RALYL: variants seen among roughly 807,000 people sequenced by gnomAD.
RALYL encodes RALY RNA binding protein like, also known as RNA-binding Raly-like protein.
Under a neutral mutation model 35.1 loss-of-function variants are expected in RALYL, and 29 were observed. The observed-to-expected ratio is 0.83, with a 90% CI of 0.61 to 1.13. RALYL has a LOEUF of 1.13. RALYL is among the 50% of genes most tolerant of loss of function. The pLI, the probability that RALYL is intolerant of heterozygous loss-of-function variation, is 0.00. For missense variants in RALYL, 359 were observed against 360.4 expected (o/e 1.00, Z 0.03); for synonymous variants, 120 against 127.6 (o/e 0.94, Z 0.40).
intron 1 of RALYL, among the ~76,000 whole-genome samples, chr8:84,453,603 G>GTGCCAAGGCAAC (rs2049775413): frequency 1.3e-5 from 2 of 151,756 alleles, no homozygotes. Context: ...TATATTCAAA[G>GTGCCAAGGCAAC]TGCCAAGGCA....
intron 1 of RALYL, among the ~76,000 whole-genome samples, chr8:84,389,543 T>G (rs1180615995): frequency 6.6e-6 from 1 of 150,728 alleles, no homozygotes; most frequent in Non-Finnish European, 1.5e-5. Context: ...TAGTTCTCCT[T>G]GAAGAGGTCC....
intron 2 of RALYL, among the ~76,000 whole-genome samples, chr8:84,627,051 A>T (rs1424470011): frequency 1.3e-5 from 2 of 152,010 alleles, no homozygotes; most frequent in African/African-American, 4.8e-5. Flanking sequence ...CCTCTGGTAC[A>T]CTCTTGCTCT....
chr8:84,405,091 G>A (rs1357965754), intron 1 of RALYL, among the ~76,000 whole-genome samples: 1 of 152,146 alleles, frequency 6.6e-6, no homozygotes, highest in African/African-American at 2.4e-5. Context: ...CATGGAAACT[G>A]AACAACCTGC....
chr8:84,862,389 GA>G lies in RALYL; in HGVS notation c.510del (p.Gly171GlufsTer5). On this transcript the variant is annotated frameshift_variant, in exon 6 of 9. Transcript: ENST00000521268. LOFTEE classifies it high-confidence loss of function. ...RVAVTTTRRGKGVFSMKGGSR... is the reference protein window; with the variant it reads ...RVAVTTTRRGXGVFSMKGGSR... Reference sequence around the variant, plus strand: ...TGGCAGTCACAACGACTCGCAGGGGGAAAGGAGTCTTTTCCATGAAAGGTGG... The same window carrying G: ...TGGCAGTCACAACGACTCGCAGGGGGAAGGAGTCTTTTCCATGAAAGGTGG... 6.2e-7 allele frequency: 1 copy of G among 1,607,582 alleles called. No individual in the cohort carries two copies. Among genetic ancestry groups the G allele is most frequent in the Non-Finnish European group, 8.5e-7 (1 of 1,177,340 alleles).
chr8:84,499,829 A>G (rs978727759), intron 1 of RALYL, among the ~76,000 whole-genome samples: 13 of 152,136 alleles, frequency 8.5e-5, no homozygotes, highest in African/African-American at 2.9e-4. Flanking sequence ...ATCATGGCTT[A>G]CTGCAGCCTC....
intron 1 of RALYL, among the ~76,000 whole-genome samples, chr8:84,294,255 A>G (rs1002186977): frequency 6.6e-6 from 1 of 152,168 alleles, no homozygotes; most frequent in Non-Finnish European, 1.5e-5. Flanking sequence ...GTAGAAAAAA[A>G]TGAATTGTGC....
intron 2 of RALYL, among the ~76,000 whole-genome samples, chr8:84,565,393 A>G (rs1216058400): frequency 6.6e-6 from 1 of 151,574 alleles, no homozygotes; most frequent in East Asian, 1.9e-4. Context: ...GCATCTCAAC[A>G]GGAAATATTT....
At position 84,811,284 on chromosome 8, in the gene RALYL, G is replaced by A. The variant is rs141906428; in HGVS notation, c.365+6482G>A. 5.2e-3 allele frequency among the ~76,000 whole-genome samples: 787 copies of A among 152,190 alleles called. 6 individuals are homozygous for A. Among genetic ancestry groups the A allele is most frequent in the African/African-American group, 0.017 (700 of 41,520 alleles). On this transcript the variant is annotated intron_variant, in intron 4 of 8. Coordinates refer to ENST00000521268, the MANE Select transcript of RALYL (RefSeq NM_173848.7). ...TCCTTTATATATGATGCTTAGTTTCGCTGGATACAAAATTCTTGAATGATA... is the reference window on the plus strand; with the variant it reads ...TCCTTTATATATGATGCTTAGTTTCACTGGATACAAAATTCTTGAATGATA...
chr8:84,232,990 CTTTT>C (rs963950639), intron 1 of RALYL, among the ~76,000 whole-genome samples: 1 of 151,584 alleles, frequency 6.6e-6, no homozygotes, highest in African/African-American at 2.4e-5. Context: ...TTCTTTTTTT[CTTTT>C]TTTAAAGACA....
At chr8:84,857,714 A>T (rs935371659) in intron 5 of RALYL, among the ~76,000 whole-genome samples, 4 of 152,208 alleles carry the variant, frequency 2.6e-5, no homozygotes, top group South Asian at 4.1e-4. Context: ...AATATAAACC[A>T]AAGAGAATGA....
intron 1 of RALYL, among the ~76,000 whole-genome samples, chr8:84,383,774 A>G (rs961545778): frequency 2.7e-5 from 4 of 148,252 alleles, no homozygotes; most frequent in Admixed American, 1.3e-4. Flanking sequence ...GATTTGAGAC[A>G]GTTACATTAA....
At chr8:84,735,808 C>CCA (rs1847157795) in intron 2 of RALYL, among the ~76,000 whole-genome samples, 1 of 106,682 alleles carries the variant, frequency 9.4e-6, no homozygotes. Flanking sequence ...ATCATCCAAA[C>CCA]CGCGAGAGAG....
At chr8:84,709,357 C>T (rs1841767010) in intron 2 of RALYL, among the ~76,000 whole-genome samples, 1 of 151,804 alleles carries the variant, frequency 6.6e-6, no homozygotes, top group Admixed American at 6.6e-5. Context: ...TACAAGGTTA[C>T]TACATATTAA....
rs180809846 is a variant in RALYL, at chr8:84,486,923, C to A, written c.-23-42376C>A. On this transcript the variant is annotated intron_variant, in intron 1 of 8. Coordinates refer to ENST00000521268, the MANE Select transcript of RALYL (RefSeq NM_173848.7). ...ATGTTGTACAGTAGATCTCTAGAAT[C>A]GATTCATCTTGTATCATTGAGACTT... Among the ~76,000 whole-genome samples, 5 of 152,088 alleles carry A rather than the reference C, an allele frequency of 3.3e-5. No individual in the cohort carries two copies. In the East Asian group the frequency reaches 9.7e-4, roughly 29 times the overall value.
chr8:84,531,720 A>G (rs1277932246), intron 2 of RALYL, among the ~76,000 whole-genome samples: 1 of 152,104 alleles, frequency 6.6e-6, no homozygotes, highest in Non-Finnish European at 1.5e-5. Flanking sequence ...TTGAAAAATT[A>G]ATTATCAGTT....
At chr8:84,213,674 T>C (rs895381812) in intron 1 of RALYL, among the ~76,000 whole-genome samples, 1 of 152,200 alleles carries the variant, frequency 6.6e-6, no homozygotes, top group Admixed American at 6.5e-5. Context: ...ACAGAATATG[T>C]GTTACATAAA....
chr8:84,836,627 C>G (rs954236245), intron 4 of RALYL, among the ~76,000 whole-genome samples: 8 of 152,186 alleles, frequency 5.3e-5, no homozygotes, highest in African/African-American at 1.9e-4. Context: ...GTGAAATGAA[C>G]AGATTTTTGT....
At chr8:84,638,949 TACACACACACACACAG>T (rs1825719882) in intron 2 of RALYL, among the ~76,000 whole-genome samples, 1 of 81,404 alleles carries the variant, frequency 1.2e-5, no homozygotes, top group Non-Finnish European at 2.4e-5. Flanking sequence ...CATATATATG[TACACACACACACACAG>T]ACACACACAC....
chr8:84,621,267 C>T (rs747873803), intron 2 of RALYL, among the ~76,000 whole-genome samples: 1 of 152,158 alleles, frequency 6.6e-6, no homozygotes, highest in Non-Finnish European at 1.5e-5. Flanking sequence ...GCGTAGGACT[C>T]TCTGAGCCAG....
Sources: allele counts gnomAD v4.1 joint callset (sites outside exome capture counted in the v4.1 genomes callset), GRCh38; gene constraint gnomAD v4.1.1; transcripts MANE v1.5; gene names NCBI Gene and HGNC (gene_info 2026-07-23, HGNC 2026-07-21).